The following NDFIP1 variants were observed in gnomAD, a reference collection of about 807,000 sequenced individuals.
NDFIP1 encodes Nedd4 family interacting protein 1.
In NDFIP1, 7 loss-of-function variants were observed where a neutral mutation model predicts 28.8. The observed-to-expected ratio is 0.24, with a 90% CI of 0.14 to 0.46. The LOEUF (loss-of-function observed/expected upper bound fraction) is 0.46, where lower values mean the gene tolerates loss of function less well. NDFIP1 is among the 20% of genes least tolerant of loss of function. The pLI is 0.99. For missense variants in NDFIP1, 194 were observed against 269.1 expected, an observed-to-expected ratio of 0.72 and a Z score of 1.95; for synonymous variants, 92 against 101.0, an observed-to-expected ratio of 0.91 and a Z score of 0.53.
At chr5:142,135,953 A>G in intron 4 of NDFIP1, 136 bp downstream of exon 4, 1 of 565,516 alleles carries the variant, frequency 1.8e-6, no homozygotes, top group Non-Finnish European at 3.1e-6. Context: ...TTTTACTGGA[A>G]TATTCAAAGC....
intron 1 of NDFIP1, among the ~76,000 whole-genome samples, chr5:142,124,418 A>G (rs558930076): frequency 6.6e-6 from 1 of 152,282 alleles, no homozygotes; most frequent in East Asian, 1.9e-4. Context: ...AAAATTGATG[A>G]TCATAGGTCA....
Position 142,135,765 on chromosome 5 carries a change from T to TGCTG in NDFIP1, c.319_322dup (p.Asp108GlyfsTer2). ...TTGTGGGTCGGGATGATTTTGATGA[T>TGCTG]GCTGACCAGCTGAGGATAGGAAATG... On this transcript the variant is annotated frameshift_variant, in exon 4 of 8. Transcript: ENST00000253814. LOFTEE classifies it high-confidence loss of function. 1 of 1,613,940 alleles carries TGCTG rather than the reference T, an allele frequency of 6.2e-7. No homozygotes were observed. Among genetic ancestry groups the TGCTG allele is most frequent in the Non-Finnish European group, 8.5e-7 (1 of 1,179,888 alleles).
rs774387702 is a variant in NDFIP1 at position 142,131,788 on chromosome 5, A to C, written c.64-20A>C. 2 of 1,550,224 alleles carry C rather than the reference A, an allele frequency of 1.3e-6. No homozygotes were observed. Among genetic ancestry groups the C allele is most frequent in the Non-Finnish European group, 8.7e-7 (1 of 1,154,044 alleles). On this transcript the variant is annotated intron_variant, in intron 1 of 7. Coordinates refer to ENST00000253814, the MANE Select transcript of NDFIP1 (RefSeq NM_030571.4). ...CTAATTGGCTTTATGCTTACATTAA[A>C]ATATGAAATTTTTATTTAGTTGCAG...
chr5:142,119,948 G>A (rs1248423538), intron 1 of NDFIP1, among the ~76,000 whole-genome samples: 4 of 152,130 alleles, frequency 2.6e-5, no homozygotes, highest in African/African-American at 4.8e-5. Flanking sequence ...GCTACTTGTT[G>A]TCAAATTATT....
At chr5:142,130,119 A>C (rs374735560) in intron 1 of NDFIP1, among the ~76,000 whole-genome samples, 1 of 152,224 alleles carries the variant, frequency 6.6e-6, no homozygotes, top group East Asian at 1.9e-4. Flanking sequence ...CCAGACCCCT[A>C]CGTCAGTTAT....
chr5:142,120,072 C>T (rs955288226), intron 1 of NDFIP1, among the ~76,000 whole-genome samples: 2 of 152,240 alleles, frequency 1.3e-5, no homozygotes, highest in African/African-American at 4.8e-5. Context: ...TCTCCTGCCT[C>T]AGCCTCCCGA....
chr5:142,115,146 A>G (rs925117780), intron 1 of NDFIP1, among the ~76,000 whole-genome samples: 2 of 152,214 alleles, frequency 1.3e-5, no homozygotes, highest in African/African-American at 4.8e-5. Flanking sequence ...ATTAAGAAAG[A>G]AAAAAAGTCT....
In NDFIP1 at chr5:142,114,494, A is replaced by G. The variant is rs575113938; in HGVS notation, c.63+5457A>G. Among the ~76,000 whole-genome samples the G allele has an allele frequency of 5.9e-5, 9 of 152,338 alleles. No homozygotes were observed. The East Asian group carries it at 9.6e-4, about 16-fold the overall frequency. On this transcript the variant is annotated intron_variant, in intron 1 of 7. Coordinates refer to ENST00000253814, the MANE Select transcript of NDFIP1 (RefSeq NM_030571.4). ...ACTATGGAAATTTCAAACACATACA[A>G]TAATAAAGTAGTGTAAGAAATTTTA...
chr5:142,144,322 T>TA, intron 6 of NDFIP1: 1 of 269,784 alleles, frequency 3.7e-6, no homozygotes, highest in Non-Finnish European at 7.0e-6. Flanking sequence ...TCTTATTTTT[T>TA]ATTTCCTTTT....
In NDFIP1 at chr5:142,108,885, C is replaced by T. The variant is rs1030536823; in HGVS notation, c.-90C>T. 20 of 1,195,164 alleles carry T rather than the reference C, an allele frequency of 1.7e-5. No individual in the cohort carries two copies. In the African/African-American group the frequency reaches 2.2e-4, roughly 13 times the overall value. The allele number at this position is 1,195,164 out of a possible 1,614,324, so 74.0% of individuals were successfully genotyped here. On this transcript the variant is annotated 5_prime_UTR_variant, in exon 1 of 8. Coordinates refer to ENST00000253814, the MANE Select transcript of NDFIP1 (RefSeq NM_030571.4). ...TCGAGACCCACCCAAGGCGCGTCCC[C>T]CTCGGCCTCCCAGCGCTCCCAAGCC...
In NDFIP1 at chr5:142,145,795, T is replaced by C. The variant is rs10079590; in HGVS notation, c.*2+1119T>C. ...ATTTGCAGTAGAACCATGAAATTGA[T>C]AGAGCCAGCGACATGTTGGGTCAAT... On this transcript the variant is annotated intron_variant, in intron 7 of 7. Coordinates refer to ENST00000253814, the MANE Select transcript of NDFIP1 (RefSeq NM_030571.4). Among the ~76,000 whole-genome samples, 1,508 of 152,240 alleles carry C rather than the reference T, an allele frequency of 9.9e-3. 25 individuals are homozygous for C. Among genetic ancestry groups the C allele is most frequent in the African/African-American group, 0.035 (1,441 of 41,500 alleles).
At chr5:142,109,975 T>A (rs1596778743) in intron 1 of NDFIP1, among the ~76,000 whole-genome samples, 1 of 152,344 alleles carries the variant, frequency 6.6e-6, no homozygotes, top group East Asian at 1.9e-4. Flanking sequence ...TTTCAGATGC[T>A]TTCGGTGCAT....
chr5:142,111,840 G>T (rs1757017358), intron 1 of NDFIP1, among the ~76,000 whole-genome samples: 1 of 152,182 alleles, frequency 6.6e-6, no homozygotes, highest in Admixed American at 6.5e-5. Flanking sequence ...GCCGAGGTGG[G>T]CGGATCACTT....
intron 1 of NDFIP1, among the ~76,000 whole-genome samples, chr5:142,116,085 C>T (rs1050628741): frequency 3.9e-5 from 6 of 152,096 alleles, no homozygotes; most frequent in African/African-American, 1.4e-4. Context: ...CCAGTGGATA[C>T]TGAGGGATGA....
At chr5:142,133,526 A>G (rs1389534799) in intron 3 of NDFIP1, among the ~76,000 whole-genome samples, 1 of 152,246 alleles carries the variant, frequency 6.6e-6, no homozygotes, top group Non-Finnish European at 1.5e-5. Context: ...GCAGAAGTGA[A>G]AGTCAAACCC....
At chr5:142,133,832 G>A (rs1029389155) in intron 3 of NDFIP1, among the ~76,000 whole-genome samples, 4 of 152,154 alleles carry the variant, frequency 2.6e-5, no homozygotes, top group African/African-American at 9.7e-5. Context: ...ATCCAACTAG[G>A]GTAAAGGGCC....
intron 7 of NDFIP1, among the ~76,000 whole-genome samples, chr5:142,150,722 A>C (rs74947621): frequency 5.0e-4 from 9 of 18,106 alleles, no homozygotes; most frequent in Non-Finnish European, 7.8e-4. Flanking sequence ...TCTTGTCTCC[A>C]AAAAAAAAAA....
At chr5:142,147,060 T>C (rs1757396547) in intron 7 of NDFIP1, among the ~76,000 whole-genome samples, 1 of 152,134 alleles carries the variant, frequency 6.6e-6, no homozygotes, top group Non-Finnish European at 1.5e-5. Context: ...CAGAGGTAAA[T>C]GAATGCACAC....
Position 142,152,784 on chromosome 5 carries a change from T to C in NDFIP1, c.*1056T>C, listed in dbSNP as rs1257212959. ...ATATCTCTTGTGTAGCACCTTTTAC[T>C]GTAGATTAGTGCTTAATTTCTTGGC... On this transcript the variant is annotated 3_prime_UTR_variant, in exon 8 of 8. Coordinates refer to ENST00000253814, the MANE Select transcript of NDFIP1 (RefSeq NM_030571.4). 1 of 163,610 alleles carries C rather than the reference T, an allele frequency of 6.1e-6. No homozygotes were observed. The highest frequency in any genetic ancestry group is 1.3e-5 in the Non-Finnish European group (1 of 74,880). The allele number at this position is 163,610 out of a possible 1,614,324, so 10.1% of individuals were successfully genotyped here.
Sources: gnomAD v4.1 joint callset for allele counts (sites outside exome capture counted in the v4.1 genomes callset) on GRCh38, gnomAD v4.1.1 for gene constraint, MANE v1.5 for transcripts, NCBI Gene and HGNC (gene_info 2026-07-23, HGNC 2026-07-21) for gene names.